The following UPP2 variants were observed in gnomAD, a reference collection of about 807,000 sequenced individuals.
UPP2 encodes UPase 2.
UPP2 carries 23 observed loss-of-function variants against 26.7 expected under a neutral mutation model. The ratio of observed to expected loss-of-function variants is 0.86; its 90% CI spans 0.62 to 1.22. The LOEUF (loss-of-function observed/expected upper bound fraction) is 1.22, where lower values mean the gene tolerates loss of function less well. Among genes scored for constraint, UPP2 ranks in the 50% most tolerant of loss-of-function variants. UPP2 has a pLI of 0.00. For synonymous variants in UPP2, 127 were observed against 141.3 expected, an observed-to-expected ratio of 0.90 and a Z score of 0.72; for missense variants, 387 against 396.7, an observed-to-expected ratio of 0.98 and a Z score of 0.21.
intron 2 of UPP2, among the ~76,000 whole-genome samples, chr2:158,008,277 G>T (rs893058401): frequency 2.6e-5 from 4 of 152,150 alleles, no homozygotes; most frequent in African/African-American, 4.8e-5. Context: ...TTTTGAGAAG[G>T]TTATTACTTC....
Position 158,045,848 on chromosome 2 carries a change from C to T in UPP2, c.147+29962C>T, listed in dbSNP as rs190622823. Among the ~76,000 whole-genome samples the T allele has an allele frequency of 2.0e-5, 3 of 152,214 alleles. No individual in the cohort carries two copies. In the East Asian group the frequency reaches 5.8e-4, roughly 29 times the overall value. Reference sequence around the variant, plus strand: ...CCACCCAAGCTACGAGAGGCTAGATCGCAAGTGGTACCAGCCGCCAATTGT... The same window carrying T: ...CCACCCAAGCTACGAGAGGCTAGATTGCAAGTGGTACCAGCCGCCAATTGT... On this transcript the variant is annotated intron_variant, in intron 3 of 9. Transcript: ENST00000605860.
intron 2 of UPP2, chr2:157,995,296 A>T: frequency 6.2e-7 from 1 of 1,600,932 alleles, no homozygotes; most frequent in Non-Finnish European, 8.6e-7. Flanking sequence ...TTCATGTCTA[A>T]GCACATGTGT....
At chr2:158,038,312 G>T (rs1199192255) in intron 3 of UPP2, among the ~76,000 whole-genome samples, 2 of 152,244 alleles carry the variant, frequency 1.3e-5, no homozygotes, top group African/African-American at 4.8e-5. Flanking sequence ...TTAAAGTGAT[G>T]TGAGGCTGAT....
intron 2 of UPP2, among the ~76,000 whole-genome samples, chr2:157,996,033 T>A (rs149540214): frequency 6.6e-6 from 1 of 152,350 alleles, no homozygotes; most frequent in Admixed American, 6.5e-5. Context: ...TGGGAATGCC[T>A]GTTTGCATAA....
rs148176127 is a variant in UPP2 at position 158,022,442 on chromosome 2, G to A, written c.147+6556G>A. Among the ~76,000 whole-genome samples the A allele has an allele frequency of 1.9e-4, 27 of 141,200 alleles. No individual in the cohort carries two copies. The East Asian group carries it at 4.9e-3, about 25-fold the overall frequency. The allele number at this position is 141,200 out of a possible 152,430, so 92.6% of individuals were successfully genotyped here. A position where few individuals can be genotyped will look rare whatever the true frequency, so the allele number is the denominator to read the frequency against. On this transcript the variant is annotated intron_variant, in intron 3 of 9. Transcript: ENST00000605860. Reference sequence around the variant, plus strand: ...CCACTGCACTCCAGCCCAGGGAACAGAGTGAGACTTGTCTCAAAAAAAAAA... The same window carrying A: ...CCACTGCACTCCAGCCCAGGGAACAAAGTGAGACTTGTCTCAAAAAAAAAA...
At chr2:158,039,272 A>G (rs1684050990) in intron 3 of UPP2, among the ~76,000 whole-genome samples, 1 of 152,136 alleles carries the variant, frequency 6.6e-6, no homozygotes, top group Admixed American at 6.5e-5. Context: ...AAAAGTCAGG[A>G]GATTGTGTTC....
At chr2:158,086,047 C>G (rs953556625) in intron 3 of UPP2, among the ~76,000 whole-genome samples, 2 of 151,944 alleles carry the variant, frequency 1.3e-5, no homozygotes, top group Non-Finnish European at 2.9e-5. Context: ...CCCTTTTTCT[C>G]TATCTTGTGG....
chr2:158,071,407 T>C (rs1459950631), intron 3 of UPP2, among the ~76,000 whole-genome samples: 6 of 151,732 alleles, frequency 4.0e-5, no homozygotes, highest in African/African-American at 1.5e-4. Context: ...AAATATTAGC[T>C]GGGCATGGTG....
chr2:158,053,827 C>T (rs1012676369), intron 3 of UPP2, among the ~76,000 whole-genome samples: 4 of 152,136 alleles, frequency 2.6e-5, no homozygotes, highest in Admixed American at 6.5e-5. Flanking sequence ...GGGGCATAGA[C>T]AGATTATAGG....
rs569853793 is a variant in UPP2, at chr2:158,040,215, CACAAAAGCTT to C, written c.147+24330_147+24339del. Reference sequence around the variant, plus strand: ...CCTCCTTTATTTAACAATGACTCCACACAAAAGCTTTCTATGGAAAGATAATTGGATTTCT... The same window carrying C: ...CCTCCTTTATTTAACAATGACTCCACTCTATGGAAAGATAATTGGATTTCT... On this transcript the variant is annotated intron_variant, in intron 3 of 9. Transcript: ENST00000605860. 4.1e-3 allele frequency among the ~76,000 whole-genome samples: 632 copies of C among 152,306 alleles called. 4 individuals are homozygous for C. Among genetic ancestry groups the C allele is most frequent in the African/African-American group, 0.014 (600 of 41,558 alleles).
chr2:158,056,467 A>G (rs1211052196), intron 3 of UPP2, among the ~76,000 whole-genome samples: 2 of 152,226 alleles, frequency 1.3e-5, no homozygotes, highest in Admixed American at 1.3e-4. Context: ...AATTTTTGAC[A>G]AACTGGTGGC....
rs528940258 is a variant in UPP2 at position 158,023,548 on chromosome 2, C to A, written c.147+7662C>A. Among the ~76,000 whole-genome samples the A allele has an allele frequency of 2.3e-4, 35 of 152,286 alleles. No individual in the cohort carries two copies. The South Asian group carries it at 6.6e-3, about 29-fold the overall frequency. On this transcript the variant is annotated intron_variant, in intron 3 of 9. Coordinates refer to the UPP2 transcript ENST00000605860. ...CAGCAATAACACCTGAAGCCAGCGA[C>A]CTGTCCAAGTTCACAAAGCTGGTCA...
chr2:158,054,406 CTT>C (rs1682215109), intron 3 of UPP2, among the ~76,000 whole-genome samples: 1 of 145,498 alleles, frequency 6.9e-6, no homozygotes, highest in African/African-American at 2.5e-5. Flanking sequence ...TTTTTAAATC[CTT>C]GCAATGTGTA....
chr2:158,108,887 C>CGTGTGTGTGTGT (rs748328980), intron 2 of UPP2, among the ~76,000 whole-genome samples: 35 of 133,128 alleles, frequency 2.6e-4, no homozygotes, highest in Middle Eastern at 3.9e-3. Flanking sequence ...GAGGCAAAAG[C>CGTGTGTGTGTGT]GTGTGTGTGT....
At chr2:158,101,758 C>A, upstream of UPP2, 1 of 902,850 alleles carries the variant, frequency 1.1e-6, no homozygotes, top group South Asian at 4.3e-5. Flanking sequence ...AGCTAACCAA[C>A]CTGGTCAAAG....
chr2:158,080,609 C>T (rs1311161363), intron 3 of UPP2, among the ~76,000 whole-genome samples: 1 of 152,202 alleles, frequency 6.6e-6, no homozygotes, highest in Non-Finnish European at 1.5e-5. Context: ...GCACTACTCC[C>T]TTCCAACTTA....
At chr2:158,019,716 C>T (rs1321576184) in intron 3 of UPP2, among the ~76,000 whole-genome samples, 1 of 150,910 alleles carries the variant, frequency 6.6e-6, no homozygotes, top group Non-Finnish European at 1.5e-5. Flanking sequence ...GAGAGAAATT[C>T]TATCTTGATT....
At chr2:158,105,939 G>C (rs1036212264) in intron 1 of UPP2, among the ~76,000 whole-genome samples, 160 bp from the exon 2 acceptor site, 1 of 152,174 alleles carries the variant, frequency 6.6e-6, no homozygotes, top group Non-Finnish European at 1.5e-5. Flanking sequence ...GCTATGCTTG[G>C]CACATAGTGT....
In UPP2 at chr2:158,123,734, T is replaced by C. The variant is rs2105229344; in HGVS notation, c.665-15T>C. ...TGGGACATCAAGTCACTAAACGTTC[T>C]CCCCTCCCTTTCAGGCCAAGGCCGA... On this transcript the variant is annotated splice_polypyrimidine_tract_variant and intron_variant, in intron 5 of 6. Transcript: ENST00000005756. 1 of 1,611,340 alleles carries C rather than the reference T, an allele frequency of 6.2e-7. No individual in the cohort carries two copies. The highest frequency in any genetic ancestry group is 2.2e-5 in the East Asian group (1 of 44,832).
Sources: gnomAD v4.1 joint callset for allele counts (sites outside exome capture counted in the v4.1 genomes callset) on GRCh38, gnomAD v4.1.1 for gene constraint, MANE v1.5 for transcripts, NCBI Gene and HGNC (gene_info 2026-07-23, HGNC 2026-07-21) for gene names.